Variants in WIPF2 observed in about 807,000 individuals in gnomAD.
WIPF2 encodes the protein WAS/WASL-interacting protein family member 2.
A neutral mutation model predicts 38.8 loss-of-function variants in WIPF2; 23 were observed. The ratio of observed to expected loss-of-function variants is 0.59; its 90% CI spans 0.43 to 0.84. WIPF2 has a LOEUF of 0.84. WIPF2 is among the 40% of genes least tolerant of loss of function. WIPF2 has a pLI of 0.00. For missense variants in WIPF2, 574 were observed against 580.5 expected (o/e 0.99, Z 0.11); for synonymous variants, 210 against 223.2 (o/e 0.94, Z 0.53).
At chr17:40,220,073 A>G (rs2030108097) in intron 1 of WIPF2, among the ~76,000 whole-genome samples, 1 of 152,072 alleles carries the variant, frequency 6.6e-6, no homozygotes, top group African/African-American at 2.4e-5. Context: ...TGAGAATGTT[A>G]AGATGCGCAT....
In WIPF2 at chr17:40,264,681, G is replaced by A. The variant is rs1482354672; in HGVS notation, c.505G>A (p.Gly169Ser). The change falls in exon 5 of 8, where the codon GGC (glycine) becomes AGC (serine). Residue 169 changes from glycine (G) to serine (S), a missense_variant. Physicochemically the swap from Gly to Ser is moderately conservative, Grantham distance 56. Coordinates refer to ENST00000323571, the MANE Select transcript of WIPF2 (RefSeq NM_133264.5). ...TCGGCCTAATACCACCAGCAGTACG[G>A]GCATGAAGCACAGCTCCTCTGCCCC... ...LSRPNTTSST[G>S]MKHSSSAPPP... The A allele has an allele frequency of 6.2e-7, 1 of 1,613,312 alleles. No homozygotes were observed. The highest frequency in any genetic ancestry group is 1.3e-5 in the African/African-American group (1 of 74,904).
chr17:40,250,912 T>TTG (rs2031538914), intron 1 of WIPF2, among the ~76,000 whole-genome samples: 2 of 140,456 alleles, frequency 1.4e-5, no homozygotes, highest in African/African-American at 5.3e-5. Flanking sequence ...AGCTATTAGA[T>TTG]TCTTTTTTTT....
intron 5 of WIPF2, among the ~76,000 whole-genome samples, chr17:40,270,513 C>G (rs909130902): frequency 6.6e-5 from 10 of 152,072 alleles, no homozygotes; most frequent in Non-Finnish European, 1.5e-4. Flanking sequence ...CATTCCAGGT[C>G]GTCTCATCGC....
At position 40,283,814 on chromosome 17, in the gene WIPF2, T is replaced by G. The variant is rs190082799; in HGVS notation, c.*5589T>G. On this transcript the variant is annotated 3_prime_UTR_variant, in exon 8 of 8. Coordinates refer to ENST00000323571, the MANE Select transcript of WIPF2 (RefSeq NM_133264.5). Reference sequence around the variant, plus strand: ...AGCTGGTTTTCTTGAACTTTGACTTTAGGTGTAAAAATTCAACCAGACATT... The same window carrying G: ...AGCTGGTTTTCTTGAACTTTGACTTGAGGTGTAAAAATTCAACCAGACATT... The G allele has an allele frequency of 6.6e-6, 1 of 152,242 alleles. No individual in the cohort carries two copies. 9.4% of individuals were successfully genotyped at this position (152,242 alleles called of 1,614,324 possible). A position where few individuals can be genotyped will look rare whatever the true frequency, so the allele number is the denominator to read the frequency against.
In WIPF2 at chr17:40,248,163, C is replaced by CTTTTTTTTTTT. The variant is rs60359132; in HGVS notation, c.-69-8211_-69-8201dup. On this transcript the variant is annotated intron_variant, in intron 1 of 7. Transcript: ENST00000323571. ...TTTAATAAAAATTTAAAAGTTATTT[C>CTTTTTTTTTTT]TTTTTTTTTTTTTTTTTTTTTTTTT... Among the ~76,000 whole-genome samples the CTTTTTTTTTTT allele has an allele frequency of 5.5e-4, 26 of 47,596 alleles. 1 individual carries two copies. Among genetic ancestry groups the CTTTTTTTTTTT allele is most frequent in the Non-Finnish European group, 6.8e-4 (16 of 23,676 alleles). 31.2% of individuals were successfully genotyped at this position (47,596 alleles called of 152,430 possible). A position where few individuals can be genotyped will look rare whatever the true frequency, so the allele number is the denominator to read the frequency against.
intron 1 of WIPF2, among the ~76,000 whole-genome samples, chr17:40,230,593 A>G (rs1210640586): frequency 2.6e-5 from 4 of 152,200 alleles, no homozygotes; most frequent in Admixed American, 2.6e-4. Context: ...TTAAAATTTT[A>G]GGATCTTAGA....
chr17:40,235,635 A>C (rs2030937922), intron 1 of WIPF2, among the ~76,000 whole-genome samples: 1 of 140,516 alleles, frequency 7.1e-6, no homozygotes. Flanking sequence ...GTGCAATGGC[A>C]CGATCTCAGC....
At chr17:40,227,381 TA>T (rs2030539130) in intron 1 of WIPF2, among the ~76,000 whole-genome samples, 1 of 151,936 alleles carries the variant, frequency 6.6e-6, no homozygotes, top group African/African-American at 2.4e-5. Flanking sequence ...ATTTAAAAGA[TA>T]AAAAAGTATA....
Position 40,273,994 on chromosome 17 carries a change from T to C in WIPF2, c.1175T>C (p.Phe392Ser). Residue 392 changes from phenylalanine to serine, a missense_variant, in exon 6 of 8, where the codon TTC becomes TCC. Coordinates refer to ENST00000323571, the MANE Select transcript of WIPF2 (RefSeq NM_133264.5). ...GATTCTATCACCACTGTCCGGTCTT[T>C]CTTGGGTGAGTAGCTAGCTATCTGT... ...HRDSITTVRS[F>S]LDDFESKYSF... is the part of the protein sequence containing the mutation. 6.5e-7 allele frequency: 1 copy of C among 1,537,872 alleles called. No homozygotes were observed. Among genetic ancestry groups the C allele is most frequent in the Non-Finnish European group, 8.7e-7 (1 of 1,143,386 alleles).
rs1355824501 is a variant in WIPF2, at chr17:40,273,984, G to C, written c.1165G>C (p.Val389Leu). 1 of 1,555,534 alleles carries C rather than the reference G, an allele frequency of 6.4e-7. No individual in the cohort carries two copies. Among genetic ancestry groups the C allele is most frequent in the East Asian group, 2.4e-5 (1 of 42,362 alleles). Residue 389 changes from valine (V) to leucine (L), a missense_variant, in exon 6 of 8, where the codon GTC (valine) becomes CTC (leucine). Coordinates refer to ENST00000323571, the MANE Select transcript of WIPF2 (RefSeq NM_133264.5). The part of the protein sequence containing the change: ...RNGHRDSITT[V>L]RSFLDDFESK... ...TGGCCACAGAGATTCTATCACCACT[G>C]TCCGGTCTTTCTTGGGTGAGTAGCT...
intron 1 of WIPF2, among the ~76,000 whole-genome samples, chr17:40,233,922 G>T (rs1173941444): frequency 6.6e-6 from 1 of 152,172 alleles, no homozygotes; most frequent in Non-Finnish European, 1.5e-5. Flanking sequence ...ATTTAGCCAG[G>T]CGTGGTGGTG....
intron 4 of WIPF2, among the ~76,000 whole-genome samples, 164 bp from the exon 5 acceptor site, chr17:40,264,326 C>CAAAA (rs772320240): frequency 2.9e-4 from 7 of 23,940 alleles, no homozygotes; most frequent in Non-Finnish European, 5.2e-4. Flanking sequence ...AACTTCGTCT[C>CAAAA]AAAAAAAAAA....
chr17:40,275,563 C>T (rs1445221438), intron 6 of WIPF2, among the ~76,000 whole-genome samples: 1 of 148,532 alleles, frequency 6.7e-6, no homozygotes, highest in Non-Finnish European at 1.5e-5. Context: ...AACCCTAACA[C>T]TCTAGATTTT....
chr17:40,273,845 CCCA>C lies in WIPF2; in HGVS notation c.1033_1035del (p.Pro345del). 1.3e-6 allele frequency: 2 copies of C among 1,588,126 alleles called. No individual in the cohort carries two copies. The highest frequency in any genetic ancestry group is 1.7e-6 in the Non-Finnish European group (2 of 1,159,722). ...ATGGTGCCAGGGATGCTCCCCCTCCCCCACCACCATACCGAATGCATGGGTCAG... is the reference window on the plus strand; with the variant it reads ...ATGGTGCCAGGGATGCTCCCCCTCCCCCACCATACCGAATGCATGGGTCAG... On this transcript the variant is annotated inframe_deletion, in exon 6 of 8. Coordinates refer to ENST00000323571, the MANE Select transcript of WIPF2 (RefSeq NM_133264.5).
At chr17:40,256,943 A>G (rs990881509) in intron 2 of WIPF2, among the ~76,000 whole-genome samples, 2 of 151,496 alleles carry the variant, frequency 1.3e-5, no homozygotes, top group Non-Finnish European at 2.9e-5. Context: ...AAAAGTTAGT[A>G]TGTTGTTTCT....
intron 2 of WIPF2, among the ~76,000 whole-genome samples, chr17:40,260,179 CTTTTTTTTTTT>C (rs34757828): frequency 2.0e-5 from 2 of 101,048 alleles, no homozygotes; most frequent in Admixed American, 1.1e-4. Flanking sequence ...ATAAAGGGAA[CTTTTTTTTTTT>C]TTTTTTTTTT....
chr17:40,276,889 ACATG>A (rs1179601390), intron 6 of WIPF2, among the ~76,000 whole-genome samples, 190 bp from the exon 7 acceptor site: 1 of 152,214 alleles, frequency 6.6e-6, no homozygotes, highest in African/African-American at 2.4e-5. Flanking sequence ...GGTTTTGAAT[ACATG>A]CTCTGTGCAT....
chr17:40,253,594 G>A (rs1428990121), intron 1 of WIPF2, among the ~76,000 whole-genome samples: 7 of 152,170 alleles, frequency 4.6e-5, no homozygotes, highest in Admixed American at 4.6e-4. Context: ...TAAACGCCTG[G>A]CAAAGAAAGA....
chr17:40,247,218 T>G (rs990873760), intron 1 of WIPF2, among the ~76,000 whole-genome samples: 4 of 133,740 alleles, frequency 3.0e-5, no homozygotes, highest in Admixed American at 1.5e-4. Context: ...TTTTTTTTTT[T>G]TTTTTTTTTT....
Sources: gnomAD v4.1 joint callset for allele counts (sites outside exome capture counted in the v4.1 genomes callset) on GRCh38, gnomAD v4.1.1 for gene constraint, MANE v1.5 for transcripts, NCBI Gene and HGNC (gene_info 2026-07-23, HGNC 2026-07-21) for gene names.